EPHA6: variants seen among roughly 807,000 people sequenced by gnomAD.
The protein encoded by EPHA6 is ephrin type-A receptor 6.
In EPHA6, 50 loss-of-function variants were observed where a neutral mutation model predicts 112.0. The ratio of observed to expected loss-of-function variants is 0.45; its 90% confidence interval spans 0.36 to 0.56. The LOEUF (loss-of-function observed/expected upper bound fraction) is 0.56. Ranked by LOEUF, EPHA6 falls within the 20% of genes least tolerant of loss-of-function variation. The probability of loss-of-function intolerance (pLI) is 0.00; values close to 1 mark genes in which losing one functional copy is unlikely to be tolerated. For synonymous variants in EPHA6, 529 were observed against 490.7 expected, an observed-to-expected ratio of 1.08 and a Z score of -1.03; for missense variants, 1,280 against 1,417.4, an observed-to-expected ratio of 0.90 and a Z score of 1.56.
chr3:97,070,743 A>G (rs1238215633), intron 3 of EPHA6, among the ~76,000 whole-genome samples: 3 of 152,108 alleles, frequency 2.0e-5, no homozygotes, highest in Non-Finnish European at 4.4e-5. Context: ...TTGTAGGAAA[A>G]CAGGTGTTCT....
At chr3:97,097,193 A>G (rs1242516937) in intron 3 of EPHA6, among the ~76,000 whole-genome samples, 1 of 151,796 alleles carries the variant, frequency 6.6e-6, no homozygotes, top group East Asian at 1.9e-4. Context: ...TATAAAAATG[A>G]CATATGCAAT....
intron 13 of EPHA6, among the ~76,000 whole-genome samples, chr3:97,621,706 C>T (rs971582321): frequency 6.6e-6 from 1 of 151,726 alleles, no homozygotes; most frequent in Non-Finnish European, 1.5e-5. Context: ...CATGAAGTCC[C>T]CAGACCCAGG....
At chr3:97,465,972 T>A (rs929482357) in intron 7 of EPHA6, among the ~76,000 whole-genome samples, 5 of 152,010 alleles carry the variant, frequency 3.3e-5, no homozygotes, top group African/African-American at 7.2e-5. Flanking sequence ...CATTTGTTTT[T>A]TTTTCTTTTT....
intron 3 of EPHA6, among the ~76,000 whole-genome samples, chr3:97,221,155 A>G (rs2078182939): frequency 6.6e-6 from 1 of 151,862 alleles, no homozygotes; most frequent in South Asian, 2.1e-4. Flanking sequence ...TCTACTAAAA[A>G]TGCAGAAATT....
chr3:97,385,873 C>T (rs1036068407), intron 5 of EPHA6, among the ~76,000 whole-genome samples: 3 of 152,090 alleles, frequency 2.0e-5, no homozygotes, highest in Middle Eastern at 3.2e-3. Context: ...TGTGAGAACT[C>T]GTGCACTATC....
At chr3:97,314,101 TC>T (rs1381583941) in intron 5 of EPHA6, among the ~76,000 whole-genome samples, 2 of 151,488 alleles carry the variant, frequency 1.3e-5, no homozygotes, top group African/African-American at 4.8e-5. Flanking sequence ...CATGTAAATA[TC>T]CAGTTTGCCA....
intron 11 of EPHA6, among the ~76,000 whole-genome samples, chr3:97,562,569 C>T (rs1448194184): frequency 6.6e-6 from 1 of 152,146 alleles, no homozygotes; most frequent in African/African-American, 2.4e-5. Context: ...AAAGTGGTTT[C>T]TTGAGGATGA....
At chr3:97,016,540 G>C (rs976992759) in intron 3 of EPHA6, among the ~76,000 whole-genome samples, 1 of 152,082 alleles carries the variant, frequency 6.6e-6, no homozygotes, top group African/African-American at 2.4e-5. Context: ...GACCAAATGA[G>C]ACTTATTTAT....
At chr3:97,497,567 T>A (rs546508546) in intron 10 of EPHA6, among the ~76,000 whole-genome samples, 1 of 152,178 alleles carries the variant, frequency 6.6e-6, no homozygotes, top group African/African-American at 2.4e-5. Flanking sequence ...CTGTCTTCCC[T>A]TTCTCTTTCT....
At chr3:97,528,416 G>T (rs952958266) in intron 10 of EPHA6, among the ~76,000 whole-genome samples, 16 of 152,094 alleles carry the variant, frequency 1.1e-4, no homozygotes, top group African/African-American at 3.9e-4. Context: ...TCACTAATAA[G>T]GAGCCATACA....
intron 14 of EPHA6, among the ~76,000 whole-genome samples, chr3:97,638,846 C>A (rs112284269): frequency 0.028 from 4,324 of 152,126 alleles, 218 homozygotes; most frequent in African/African-American, 0.099. Flanking sequence ...ACTCATTTGG[C>A]AGTCAGTTTC....
At chr3:97,154,068 G>A (rs2076232297) in intron 3 of EPHA6, among the ~76,000 whole-genome samples, 1 of 149,250 alleles carries the variant, frequency 6.7e-6, no homozygotes, top group African/African-American at 2.5e-5. Context: ...AGGAGGCTGA[G>A]GCAGGAGAAT....
At position 97,758,147 on chromosome 3, in the gene EPHA6, CAA is replaced by C. The variant is rs1156345274; in HGVS notation, c.*9447_*9448del. On this transcript the variant is annotated 3_prime_UTR_variant, in exon 18 of 18. Coordinates refer to ENST00000389672, the MANE Select transcript of EPHA6 (RefSeq NM_001080448.3). The stretch of plus-strand genomic sequence containing the variant: ...ATCTTACCAAGTAGGATACTTCAAA[CAA>C]GAGTGAAAAGCTACTCCATTTACGT... Among the ~76,000 whole-genome samples the C allele has an allele frequency of 2.0e-5, 3 of 151,938 alleles. No individual in the cohort carries two copies. In the South Asian group the frequency reaches 6.2e-4, roughly 31 times the overall value.
At chr3:97,373,313 A>G (rs185616596) in intron 5 of EPHA6, among the ~76,000 whole-genome samples, 3 of 152,226 alleles carry the variant, frequency 2.0e-5, no homozygotes, top group African/African-American at 7.2e-5. Context: ...TATCATGTAT[A>G]TGATCTCACA....
intron 2 of EPHA6, among the ~76,000 whole-genome samples, chr3:96,916,043 T>G (rs2039468519): frequency 6.6e-6 from 1 of 152,156 alleles, no homozygotes; most frequent in South Asian, 2.1e-4. Context: ...TTAACTAATT[T>G]ATTATTTAAA....
intron 5 of EPHA6, among the ~76,000 whole-genome samples, chr3:97,375,096 A>G (rs901995051): frequency 6.6e-6 from 1 of 152,078 alleles, no homozygotes; most frequent in Non-Finnish European, 1.5e-5. Flanking sequence ...TTTCTCCACA[A>G]ATTAAAGGTT....
chr3:97,318,269 A>G (rs536543971), intron 5 of EPHA6, among the ~76,000 whole-genome samples: 21 of 152,040 alleles, frequency 1.4e-4, no homozygotes, highest in Non-Finnish European at 2.8e-4. Context: ...CTAACCAGAA[A>G]TCTTCACTGA....
intron 3 of EPHA6, among the ~76,000 whole-genome samples, chr3:97,087,489 G>A (rs1284098720): frequency 2.0e-5 from 3 of 152,100 alleles, no homozygotes; most frequent in Non-Finnish European, 4.4e-5. Context: ...AGAAGCCAGA[G>A]GCACTTTTTG....
intron 3 of EPHA6, among the ~76,000 whole-genome samples, chr3:97,195,576 T>TA (rs2077418796): frequency 6.6e-6 from 1 of 152,080 alleles, no homozygotes; most frequent in Middle Eastern, 3.2e-3. Flanking sequence ...TACTTACCGT[T>TA]ACCAGTGATT....
Sources: gnomAD v4.1 joint callset for allele counts (sites outside exome capture counted in the v4.1 genomes callset) on GRCh38, gnomAD v4.1.1 for gene constraint, MANE v1.5 for transcripts, NCBI Gene and HGNC (gene_info 2026-07-23, HGNC 2026-07-21) for gene names.